CNTNAP2: variants seen among roughly 807,000 people sequenced by gnomAD.
CNTNAP2 encodes the protein contactin-associated protein-like 2.
Under a neutral mutation model 155.2 loss-of-function variants are expected in CNTNAP2, and 98 were observed. That is an observed-to-expected ratio of 0.63 (90% CI 0.54 to 0.75). The LOEUF (loss-of-function observed/expected upper bound fraction) is 0.75, where lower values mean the gene tolerates loss of function less well. CNTNAP2 is among the 30% of genes least tolerant of loss of function. CNTNAP2 has a pLI of 0.00. For synonymous variants in CNTNAP2, 651 were observed against 631.2 expected, an observed-to-expected ratio of 1.03 and a Z score of -0.47; for missense variants, 1,727 against 1,688.1, an observed-to-expected ratio of 1.02 and a Z score of -0.40.
chr7:146,196,197 A>G (rs1019293834), intron 1 of CNTNAP2, among the ~76,000 whole-genome samples: 2 of 152,216 alleles, frequency 1.3e-5, no homozygotes, highest in Non-Finnish European at 2.9e-5. Context: ...ACCTTAAAAG[A>G]CATTTGACAG....
intron 10 of CNTNAP2, among the ~76,000 whole-genome samples, chr7:147,465,844 T>C (rs2116597544): frequency 6.6e-6 from 1 of 152,324 alleles, no homozygotes; most frequent in East Asian, 1.9e-4. Context: ...ATTTTTACCT[T>C]TCCTTTTTAA....
chr7:147,795,574 C>G (rs576632174), intron 13 of CNTNAP2, among the ~76,000 whole-genome samples: 1 of 151,916 alleles, frequency 6.6e-6, no homozygotes, highest in Non-Finnish European at 1.5e-5. Flanking sequence ...TAGAAGTTAT[C>G]TGTCTAAGGT....
intron 20 of CNTNAP2, among the ~76,000 whole-genome samples, chr7:148,260,215 A>T (rs1796534012): frequency 6.6e-6 from 1 of 152,174 alleles, no homozygotes; most frequent in East Asian, 1.9e-4. Flanking sequence ...GTAAATATTT[A>T]AAATGTAGCT....
chr7:147,920,295 G>T (rs1351537785), intron 14 of CNTNAP2, among the ~76,000 whole-genome samples: 1 of 145,114 alleles, frequency 6.9e-6, no homozygotes, highest in African/African-American at 2.6e-5. Flanking sequence ...AGTGGAGGTT[G>T]CAGTGAGCCG....
chr7:146,757,943 T>C (rs764363315), intron 1 of CNTNAP2, among the ~76,000 whole-genome samples: 55 of 152,206 alleles, frequency 3.6e-4, no homozygotes, highest in Non-Finnish European at 6.9e-4. Flanking sequence ...TGTTTTCTCA[T>C]GATGCATTTT....
intron 3 of CNTNAP2, among the ~76,000 whole-genome samples, chr7:146,938,956 T>C (rs1016874201): frequency 2.6e-5 from 4 of 152,054 alleles, no homozygotes; most frequent in African/African-American, 7.2e-5. Context: ...TCTATCTAAG[T>C]TTTAGTGCAG....
intron 20 of CNTNAP2, among the ~76,000 whole-genome samples, chr7:148,246,548 G>C (rs1421165548): frequency 4.6e-5 from 7 of 152,072 alleles, no homozygotes; most frequent in African/African-American, 1.7e-4. Flanking sequence ...CCACATACGA[G>C]AATCATTCCA....
At chr7:146,595,023 A>T (rs998628898) in intron 1 of CNTNAP2, among the ~76,000 whole-genome samples, 3 of 152,062 alleles carry the variant, frequency 2.0e-5, no homozygotes, top group Non-Finnish European at 4.4e-5. Flanking sequence ...GTAAAATCCA[A>T]TTTTTAATGA....
At chr7:146,975,285 C>G (rs552030780) in intron 3 of CNTNAP2, among the ~76,000 whole-genome samples, 19 of 151,934 alleles carry the variant, frequency 1.3e-4, no homozygotes, top group African/African-American at 4.3e-4. Context: ...GCCAACATGG[C>G]AAAACCCCGT....
intron 19 of CNTNAP2, 118 bp downstream of exon 19, chr7:148,217,642 A>G (rs1795669567): frequency 8.8e-7 from 1 of 1,130,714 alleles, no homozygotes; most frequent in Admixed American, 1.8e-5. Flanking sequence ...TTTTTAAGCA[A>G]GTCACATAAC....
chr7:146,450,469 T>G (rs536592146), intron 1 of CNTNAP2, among the ~76,000 whole-genome samples: 5 of 152,328 alleles, frequency 3.3e-5, no homozygotes, highest in Middle Eastern at 3.4e-3. Context: ...CAAGAAAACT[T>G]GATTAACTTA....
At position 146,783,721 on chromosome 7, in the gene CNTNAP2, C is replaced by G. The variant is rs527908098; in HGVS notation, c.208+9340C>G. Among the ~76,000 whole-genome samples the G allele has an allele frequency of 7.2e-5, 11 of 152,272 alleles. No individual in the cohort carries two copies. The South Asian group carries it at 2.3e-3, about 32-fold the overall frequency. ...AGGTTTTGTTGCAATTTCCATAGAG[C>G]AATGCGTCCCAAAGTGCATGATGTT... On this transcript the variant is annotated intron_variant, in intron 2 of 23. Transcript: ENST00000361727.
At chr7:146,540,066 C>T (rs1797928258) in intron 1 of CNTNAP2, among the ~76,000 whole-genome samples, 1 of 151,952 alleles carries the variant, frequency 6.6e-6, no homozygotes, top group Non-Finnish European at 1.5e-5. Context: ...TGGATAAGGC[C>T]AGGCAGAGTT....
intron 15 of CNTNAP2, among the ~76,000 whole-genome samples, chr7:147,991,508 T>A (rs535204271): frequency 6.6e-6 from 1 of 152,312 alleles, no homozygotes; most frequent in South Asian, 2.1e-4. Context: ...TTATTCATCT[T>A]AACTAAATGA....
chr7:146,911,134 A>G (rs1270666570), intron 3 of CNTNAP2, among the ~76,000 whole-genome samples: 2 of 152,206 alleles, frequency 1.3e-5, no homozygotes, highest in East Asian at 1.9e-4. Context: ...TAGAATGGCA[A>G]TCATTAAAAA....
At chr7:147,344,575 C>T (rs1795817059) in intron 9 of CNTNAP2, among the ~76,000 whole-genome samples, 1 of 152,142 alleles carries the variant, frequency 6.6e-6, no homozygotes, top group Admixed American at 6.5e-5. Flanking sequence ...ATCAAATGTG[C>T]TGTTAAAGGG....
At chr7:147,567,200 G>T (rs1401109184) in intron 12 of CNTNAP2, among the ~76,000 whole-genome samples, 4 of 152,188 alleles carry the variant, frequency 2.6e-5, no homozygotes, top group Non-Finnish European at 4.4e-5. Context: ...TTCAAGCACT[G>T]CATAGGACAC....
chr7:146,842,636 C>T, intron 3 of CNTNAP2, among the ~76,000 whole-genome samples: 1 of 152,088 alleles, frequency 6.6e-6, no homozygotes. Flanking sequence ...GGGAGGCAGG[C>T]ATGTCTTACA....
intron 3 of CNTNAP2, among the ~76,000 whole-genome samples, chr7:146,900,585 G>A (rs1453732767): frequency 6.6e-6 from 1 of 152,038 alleles, no homozygotes; most frequent in Admixed American, 6.6e-5. Context: ...CCCATCTCCT[G>A]CCACTATTTC....
Sources: gnomAD v4.1 joint callset for allele counts (sites outside exome capture counted in the v4.1 genomes callset) on GRCh38, gnomAD v4.1.1 for gene constraint, MANE v1.5 for transcripts, NCBI Gene and HGNC (gene_info 2026-07-23, HGNC 2026-07-21) for gene names.